The following VAV3 variants were observed in gnomAD, a reference collection of about 807,000 sequenced individuals.
VAV3 encodes the protein guanine nucleotide exchange factor VAV3.
Under a neutral mutation model 131.2 loss-of-function variants are expected in VAV3, and 94 were observed. The ratio of observed to expected loss-of-function variants is 0.72; its 90% CI spans 0.61 to 0.85. VAV3 has a LOEUF of 0.85. Among genes scored for constraint, VAV3 ranks in the 40% least tolerant of loss-of-function variants. The probability of loss-of-function intolerance (pLI) is 0.00; values close to 1 mark genes in which losing one functional copy is unlikely to be tolerated. For synonymous variants in VAV3, 349 were observed against 342.0 expected (o/e 1.02, Z -0.22); for missense variants, 939 against 1,002.7 (o/e 0.94, Z 0.86).
intron 2 of VAV3, among the ~76,000 whole-genome samples, chr1:107,865,907 G>A (rs1669962153): frequency 6.6e-6 from 1 of 152,124 alleles, no homozygotes; most frequent in African/African-American, 2.4e-5. Context: ...CAATTTCCTG[G>A]GAGTACACAG....
intron 20 of VAV3, among the ~76,000 whole-genome samples, chr1:107,631,312 A>G (rs1455443108): frequency 6.6e-6 from 1 of 152,218 alleles, no homozygotes; most frequent in East Asian, 1.9e-4. Context: ...AAATGCAGGC[A>G]TAATACATGT....
intron 22 of VAV3, among the ~76,000 whole-genome samples, chr1:107,606,073 T>C (rs961387704): frequency 1.3e-5 from 2 of 152,198 alleles, no homozygotes; most frequent in African/African-American, 4.8e-5. Context: ...GGCTTCTATA[T>C]CTCCCTCTTC....
intron 1 of VAV3, among the ~76,000 whole-genome samples, chr1:107,935,530 A>C (rs945987548): frequency 1.3e-5 from 2 of 152,246 alleles, no homozygotes; most frequent in Non-Finnish European, 2.9e-5. Context: ...TTTGGTCCTC[A>C]GTCCCTAAAA....
At chr1:107,883,572 C>A (rs1391982682) in intron 1 of VAV3, among the ~76,000 whole-genome samples, 1 of 151,916 alleles carries the variant, frequency 6.6e-6, no homozygotes, top group Admixed American at 6.6e-5. Flanking sequence ...TTTAAACTTA[C>A]CTAAGAACAT....
At chr1:107,830,237 C>G (rs1335555095) in intron 2 of VAV3, among the ~76,000 whole-genome samples, 1 of 150,994 alleles carries the variant, frequency 6.6e-6, no homozygotes, top group Non-Finnish European at 1.5e-5. Context: ...AAGTCTTGCT[C>G]TATCACCCAG....
intron 2 of VAV3, among the ~76,000 whole-genome samples, chr1:107,840,175 G>T (rs1039621441): frequency 1.3e-5 from 2 of 152,140 alleles, no homozygotes; most frequent in African/African-American, 4.8e-5. Flanking sequence ...TTTGCTGTTA[G>T]CCTGTAAATG....
At chr1:107,578,928 A>G in intron 25 of VAV3, 1 of 984,022 alleles carries the variant, frequency 1.0e-6, no homozygotes, top group Non-Finnish European at 1.2e-6. Context: ...ACACAGTTAA[A>G]TGCAAATTAA....
intron 7 of VAV3, 64 bp from the exon 8 acceptor site, chr1:107,766,614 C>T: frequency 7.8e-7 from 1 of 1,275,540 alleles, no homozygotes; most frequent in East Asian, 2.4e-5. Context: ...ACCCCAAACC[C>T]AGAATCCTTT....
chr1:107,732,529 G>C (rs763631008), intron 15 of VAV3, among the ~76,000 whole-genome samples: 1 of 152,194 alleles, frequency 6.6e-6, no homozygotes, highest in South Asian at 2.1e-4. Context: ...CTTTTCCAAC[G>C]GTCTTAGCAA....
intron 1 of VAV3, among the ~76,000 whole-genome samples, chr1:107,896,963 AC>A (rs1186847802): frequency 6.6e-6 from 1 of 152,106 alleles, no homozygotes; most frequent in Non-Finnish European, 1.5e-5. Context: ...TCTGTACAAG[AC>A]ACTGCACAGC....
intron 1 of VAV3, among the ~76,000 whole-genome samples, chr1:107,925,715 C>A (rs1344898569): frequency 1.3e-5 from 2 of 152,004 alleles, no homozygotes; most frequent in Non-Finnish European, 2.9e-5. Context: ...GTTACAGAAT[C>A]ACAGTTTACA....
Position 107,597,287 on chromosome 1 carries a change from C to T in VAV3, c.2221-946G>A, listed in dbSNP as rs190046770. ...CTTCTAAAAATCCCACTGCCATCAA[C>T]TTAATATCTCTGTTCAGTGGTTATG... On this transcript the variant is annotated intron_variant, in intron 24 of 26. Transcript: ENST00000370056. Among the ~76,000 whole-genome samples the T allele has an allele frequency of 4.8e-3, 709 of 149,202 alleles. 5 individuals are homozygous for T. Among genetic ancestry groups the T allele is most frequent in the African/African-American group, 0.016 (657 of 40,846 alleles).
chr1:107,794,685 C>G (rs759440212), intron 2 of VAV3, among the ~76,000 whole-genome samples: 5 of 152,170 alleles, frequency 3.3e-5, no homozygotes, highest in Non-Finnish European at 7.3e-5. Flanking sequence ...ACCTTAGGAG[C>G]CCTGGAAGAC....
In VAV3 at chr1:107,653,728, G is replaced by A. The variant is rs1032165250; in HGVS notation, c.1778-10973C>T. On this transcript the variant is annotated intron_variant, in intron 19 of 26. Coordinates refer to ENST00000370056, the MANE Select transcript of VAV3 (RefSeq NM_006113.5). Reference sequence around the variant, plus strand: ...ATAACTATTATTCAAAGCCACCAATGTTTCATAGGAGGAGGCTAACTATGT... The same window carrying A: ...ATAACTATTATTCAAAGCCACCAATATTTCATAGGAGGAGGCTAACTATGT... 2.6e-5 allele frequency among the ~76,000 whole-genome samples: 4 copies of A among 152,066 alleles called. No individual in the cohort carries two copies. The East Asian group carries it at 7.7e-4, about 29-fold the overall frequency.
chr1:107,740,912 C>CT (rs1206034626), intron 15 of VAV3, among the ~76,000 whole-genome samples: 2 of 152,222 alleles, frequency 1.3e-5, no homozygotes, highest in Non-Finnish European at 2.9e-5. Flanking sequence ...CTCTGGCCCC[C>CT]TACAACAAAA....
intron 19 of VAV3, among the ~76,000 whole-genome samples, chr1:107,648,818 A>G (rs533624402): frequency 2.0e-5 from 3 of 152,178 alleles, no homozygotes; most frequent in East Asian, 1.9e-4. Context: ...TGGTCATTCT[A>G]TGCAACCTAC....
chr1:107,665,342 C>A (rs1557745183), intron 19 of VAV3, among the ~76,000 whole-genome samples: 1 of 152,118 alleles, frequency 6.6e-6, no homozygotes, highest in Non-Finnish European at 1.5e-5. Context: ...ATAAAACTGT[C>A]TTTTAATCAA....
intron 17 of VAV3, among the ~76,000 whole-genome samples, chr1:107,699,729 TTCTC>T (rs1570776279): frequency 2.0e-5 from 3 of 152,138 alleles, no homozygotes; most frequent in South Asian, 2.1e-4. Flanking sequence ...GCTCGATTCT[TTCTC>T]TCTCTTTTTT....
intron 2 of VAV3, among the ~76,000 whole-genome samples, chr1:107,828,210 T>A (rs1474816595): frequency 6.6e-6 from 1 of 152,178 alleles, no homozygotes; most frequent in Non-Finnish European, 1.5e-5. Flanking sequence ...TCTCTTTACC[T>A]GTTCTTGCGT....
Sources: allele counts gnomAD v4.1 joint callset (sites outside exome capture counted in the v4.1 genomes callset), GRCh38; gene constraint gnomAD v4.1.1; transcripts MANE v1.5; gene names NCBI Gene and HGNC (gene_info 2026-07-23, HGNC 2026-07-21).